The following AKR1B1 variants were observed in gnomAD, a reference collection of about 807,000 sequenced individuals.
AKR1B1 encodes the protein aldo-keto reductase family 1 member B.
A neutral mutation model predicts 40.4 loss-of-function variants in AKR1B1; 22 were observed. That is an observed-to-expected ratio of 0.54 (90% CI 0.39 to 0.78). AKR1B1 has a LOEUF of 0.78. AKR1B1 is among the 30% of genes least tolerant of loss of function. The probability of loss-of-function intolerance (pLI) is 0.00; values close to 1 mark genes in which losing one functional copy is unlikely to be tolerated. For synonymous variants in AKR1B1, 157 were observed against 149.9 expected, an observed-to-expected ratio of 1.05 and a Z score of -0.35; for missense variants, 357 against 396.7, an observed-to-expected ratio of 0.90 and a Z score of 0.85.
In AKR1B1 at chr7:134,458,962, G is replaced by A. The variant is rs771112102; in HGVS notation, c.66+35C>T. The A allele has an allele frequency of 6.9e-6, 11 of 1,586,298 alleles. No homozygotes were observed. In the East Asian group the frequency reaches 2.5e-4, roughly 37 times the overall value. ...ATACAGGCCGCGCGGAGAGTGTGAG[G>A]CGAGCCCCGGGCCCGCGCCCCCACG... On this transcript the variant is annotated intron_variant, in intron 1 of 9. Coordinates refer to ENST00000285930, the MANE Select transcript of AKR1B1 (RefSeq NM_001628.4).
Position 134,451,697 on chromosome 7 carries a change from G to A in AKR1B1, c.123C>T (p.Arg41=), listed in dbSNP as rs756512767. 1.2e-6 allele frequency: 2 copies of A among 1,614,026 alleles called. No individual in the cohort carries two copies. The highest frequency in any genetic ancestry group is 1.7e-6 in the Non-Finnish European group (2 of 1,180,022). The change falls in exon 2 of 10, where the codon CGC becomes CGT. Residue 41 remains arginine, a synonymous_variant. Coordinates refer to ENST00000285930, the MANE Select transcript of AKR1B1 (RefSeq NM_001628.4). ...AVKVAIDVGY[R]HIDCAHVYQN... ...GGTACACATGGGCACAGTCGATGTG[G>A]CGGTACCCGACGTCAATGGCCACCT...
Position 134,447,225 on chromosome 7 carries a change from G to T in AKR1B1, c.825+73C>A, listed in dbSNP as rs185625624. On this transcript the variant is annotated intron_variant, in intron 8 of 9. Coordinates refer to ENST00000285930, the MANE Select transcript of AKR1B1 (RefSeq NM_001628.4). ...TGGTGATCCCACAGATGACACTCCA[G>T]AGACAGGATGAGAGGCCTCCCCCAT... 31 of 1,314,270 alleles carry T rather than the reference G, an allele frequency of 2.4e-5. No individual in the cohort carries two copies. The African/African-American group carries it at 3.5e-4, about 15-fold the overall frequency. The allele number at this position is 1,314,270 out of a possible 1,614,324, so 81.4% of individuals were successfully genotyped here.
chr7:134,451,696 G>A lies in AKR1B1; in HGVS notation c.124C>T (p.His42Tyr), dbSNP rs1314041501. ...VKVAIDVGYR[H>Y]IDCAHVYQNE... ...TGGTACACATGGGCACAGTCGATGT[G>A]GCGGTACCCGACGTCAATGGCCACC... Residue 42 changes from histidine (H) to tyrosine (Y), a missense_variant, in exon 2 of 10, where the codon CAC (histidine) becomes TAC (tyrosine). Transcript: ENST00000285930. 1.9e-6 allele frequency: 3 copies of A among 1,614,144 alleles called. No homozygotes were observed. The South Asian group carries it at 3.3e-5, about 18-fold the overall frequency.
intron 1 of AKR1B1, among the ~76,000 whole-genome samples, chr7:134,455,327 G>T (rs1033610029): frequency 2.0e-5 from 3 of 152,002 alleles, no homozygotes; most frequent in Middle Eastern, 3.4e-3. Flanking sequence ...GGCAAATTAG[G>T]GGAAAAAAAA....
intron 1 of AKR1B1, 111 bp from the exon 2 acceptor site, chr7:134,451,864 A>C: frequency 8.4e-7 from 1 of 1,197,314 alleles, no homozygotes; most frequent in Non-Finnish European, 1.2e-6. Context: ...TTGTTCAGCA[A>C]AGACAGACCA....
intron 8 of AKR1B1, among the ~76,000 whole-genome samples, chr7:134,446,273 C>T (rs986516211): frequency 1.6e-4 from 24 of 152,294 alleles, no homozygotes; most frequent in Admixed American, 1.2e-3. Flanking sequence ...TCTACCTGCA[C>T]GTAAGAAGAA....
rs1341068342 is a variant in AKR1B1, at chr7:134,449,797, G to A, written c.352C>T (p.Pro118Ser). The A allele has an allele frequency of 6.2e-7, 1 of 1,612,820 alleles. No individual in the cohort carries two copies. ...TCCAATGGGAAAAATTCCTTCCCAG[G>A]CTGTCATTACAATAAAAAACAAACA... ...YLIHWPTGFKPGKEFFPLDES... is the reference protein window; with the variant it reads ...YLIHWPTGFKSGKEFFPLDES... The change falls in exon 4 of 10, where the codon CCT (proline) becomes TCT (serine). Residue 118 changes from proline (P) to serine (S), a missense_variant and splice_region_variant. By Grantham distance (74) the Pro-to-Ser change is moderately conservative (BLOSUM62 -1). Coordinates refer to ENST00000285930, the MANE Select transcript of AKR1B1 (RefSeq NM_001628.4).
chr7:134,449,840 T>C (rs773604867), intron 3 of AKR1B1, 43 bp from the exon 4 acceptor site: 2 of 1,531,994 alleles, frequency 1.3e-6, no homozygotes, highest in African/African-American at 1.4e-5. Context: ...CAATCAGTAA[T>C]AGTCCTTCAC....
In AKR1B1 at chr7:134,449,550, G is replaced by A. The variant is rs1290199394; in HGVS notation, c.429+170C>T. ...TGCAGTGAGCCGAGATTGTGCCACT[G>A]CACTCCAGCCTGGGCAACAGAGGGA... On this transcript the variant is annotated intron_variant, in intron 4 of 9. Transcript: ENST00000285930. 4.5e-6 allele frequency: 3 copies of A among 660,888 alleles called. No individual in the cohort carries two copies. The East Asian group carries it at 7.9e-5, about 17-fold the overall frequency. 40.9% of individuals were successfully genotyped at this position (660,888 alleles called of 1,614,324 possible). A position where few individuals can be genotyped will look rare whatever the true frequency, so the allele number is the denominator to read the frequency against.
chr7:134,445,096 G>A, intron 9 of AKR1B1, 142 bp downstream of exon 9: 2 of 764,192 alleles, frequency 2.6e-6, no homozygotes, highest in Non-Finnish European at 4.5e-6. Context: ...CAAGTCACGT[G>A]GCTGAGAAAG....
chr7:134,457,864 G>A (rs1806519475), intron 1 of AKR1B1, among the ~76,000 whole-genome samples: 1 of 152,076 alleles, frequency 6.6e-6, no homozygotes, highest in Non-Finnish European at 1.5e-5. Flanking sequence ...GCCAGGTGTG[G>A]TGGTGAGCGC....
rs115638419 is a variant in AKR1B1 at position 134,450,829 on chromosome 7, T to A, written c.308A>T (p.Asp103Val). The stretch of plus-strand genomic sequence containing the variant: ...GTGAATAAGGTAGAGGTCCAGGTAG[T>A]CCAGCTTCAGGTCGCTGAGTGTCTT... ...CQKTLSDLKLDYLDLYLIHWP... is the reference protein window; with the variant it reads ...CQKTLSDLKLVYLDLYLIHWP... The change falls in exon 3 of 10, where the codon GAC becomes GTC. Residue 103 changes from aspartate (D) to valine (V), a missense_variant. By Grantham distance (152) the Asp-to-Val change is radical. Transcript: ENST00000285930. The A allele has an allele frequency of 3.9e-4, 632 of 1,614,184 alleles. 2 individuals carry two copies. In the African/African-American group the frequency reaches 7.3e-3, roughly 19 times the overall value.
chr7:134,458,892 C>A, intron 1 of AKR1B1, 105 bp downstream of exon 1: 2 of 1,328,732 alleles, frequency 1.5e-6, no homozygotes, highest in Non-Finnish European at 1.0e-6. Context: ...GCACGCCGGG[C>A]GTCCGCGGGG....
intron 1 of AKR1B1, among the ~76,000 whole-genome samples, chr7:134,458,789 C>A (rs965059768): frequency 1.3e-5 from 2 of 152,130 alleles, no homozygotes; most frequent in South Asian, 2.1e-4. Flanking sequence ...GCTGCCCTGA[C>A]GCCCAGGGCC....
At chr7:134,445,132 G>A (rs1265930693) in intron 9 of AKR1B1, 106 bp downstream of exon 9, 3 of 993,570 alleles carry the variant, frequency 3.0e-6, no homozygotes, top group East Asian at 5.1e-5. Flanking sequence ...AGCAAGAACA[G>A]CTGTGACGAG....
chr7:134,456,603 A>C (rs1463307538), intron 1 of AKR1B1, among the ~76,000 whole-genome samples: 2 of 151,580 alleles, frequency 1.3e-5, no homozygotes, highest in Non-Finnish European at 2.9e-5. Flanking sequence ...CCACCGTACA[A>C]TTCTACACCA....
At chr7:134,449,643 G>A in intron 4 of AKR1B1, 77 bp downstream of exon 4, 1 of 1,157,142 alleles carries the variant, frequency 8.6e-7, no homozygotes, top group East Asian at 2.3e-5. Context: ...TGCAATGTGA[G>A]AAATGGCAGG....
At chr7:134,446,583 C>A (rs1585708720) in intron 8 of AKR1B1, among the ~76,000 whole-genome samples, 1 of 62 alleles carries the variant, frequency 0.016, no homozygotes, top group Admixed American at 0.12. Context: ...TTGGGCGTGC[C>A]CCCCCCCTCC....
intron 1 of AKR1B1, among the ~76,000 whole-genome samples, chr7:134,453,087 G>A (rs191024581): frequency 7.6e-4 from 115 of 152,288 alleles, no homozygotes; most frequent in African/African-American, 2.6e-3. Flanking sequence ...TGGTGTCCGG[G>A]CACAACCACC....
Sources: allele counts gnomAD v4.1 joint callset (sites outside exome capture counted in the v4.1 genomes callset), GRCh38; gene constraint gnomAD v4.1.1; transcripts MANE v1.5; gene names NCBI Gene and HGNC (gene_info 2026-07-23, HGNC 2026-07-21).